The following OR10A2 variants were observed in gnomAD, a reference collection of about 807,000 sequenced individuals.
OR10A2 encodes olfactory receptor family 10 subfamily A member 2.
OR10A2 carries 15 observed loss-of-function variants against 13.7 expected under a neutral mutation model. That is an observed-to-expected ratio of 1.10 (90% confidence interval 0.73 to 1.69). The LOEUF is 1.69. OR10A2 is among the 40% of genes most tolerant of loss of function. OR10A2 has a pLI of 0.00. For synonymous variants in OR10A2, 145 were observed against 144.7 expected, an observed-to-expected ratio of 1.00 and a Z score of -0.02; for missense variants, 343 against 361.1, an observed-to-expected ratio of 0.95 and a Z score of 0.41.
intron 1 of OR10A2, among the ~76,000 whole-genome samples, chr11:6,867,652 A>T (rs1848389878): frequency 6.6e-6 from 1 of 152,192 alleles, no homozygotes; most frequent in South Asian, 2.1e-4. Flanking sequence ...ATTAACCTAA[A>T]GTGTTTTGTC....
In OR10A2 at chr11:6,874,241, TATTA is replaced by T. The variant is rs1848463832; in HGVS notation, c.*3577_*3580del. ...TATTTACCACATTTTCTTCATTATC[TATTA>T]AATTATTCAATAACAATTTACTGGG... On this transcript the variant is annotated 3_prime_UTR_variant, in exon 2 of 2. Coordinates refer to ENST00000641461, the MANE Select transcript of OR10A2 (RefSeq NM_001004460.2). 5 of 152,268 alleles carry T rather than the reference TATTA, an allele frequency of 3.3e-5. No homozygotes were observed. The highest frequency in any genetic ancestry group is 1.2e-4 in the African/African-American group (5 of 41,468). The allele number at this position is 152,268 out of a possible 1,614,324, so 9.4% of individuals were successfully genotyped here.
rs374615903 is a variant in OR10A2, at chr11:6,869,945, T to C, written c.191T>C (p.Ile64Thr). 107 of 1,614,052 alleles carry C rather than the reference T, an allele frequency of 6.6e-5. No homozygotes were observed. The highest frequency in any genetic ancestry group is 8.1e-5 in the Non-Finnish European group (95 of 1,180,006). The part of the protein sequence containing the change: ...SFLEIGFNLV[I>T]VPKMLGTLLA... ...CTGGAGATTGGCTTCAACCTAGTCA[T>C]TGTGCCCAAAATGCTGGGGACCCTG... Residue 64 changes from isoleucine to threonine, a missense_variant, in exon 2 of 2, where the codon ATT becomes ACT. Coordinates refer to ENST00000641461, the MANE Select transcript of OR10A2 (RefSeq NM_001004460.2).
chr11:6,869,579 A>C (rs1263563655), intron 1 of OR10A2, 44 bp from the exon 2 acceptor site: 17 of 656,870 alleles, frequency 2.6e-5, no homozygotes, highest in Non-Finnish European at 4.0e-5. Context: ...AACCCAAGGC[A>C]CTTCCTCTGC....
At chr11:6,868,817 CT>C (rs1848400756) in intron 1 of OR10A2, among the ~76,000 whole-genome samples, 1 of 152,092 alleles carries the variant, frequency 6.6e-6, no homozygotes, top group East Asian at 1.9e-4. Context: ...TAAGAAGAGC[CT>C]CTAGATAACC....
In OR10A2 at chr11:6,870,527, A is replaced by C. The variant is rs7926083; in HGVS notation, c.773A>C (p.Lys258Thr). ...AAATCAAATAATTCACCTGAGGGCA[A>C]GAAGCTGCTATCATTGTCCTACACT... The part of the protein sequence containing the change: ...RPKSNNSPEG[K>T]KLLSLSYTVM... The change falls in exon 2 of 2, where the codon AAG becomes ACG. Residue 258 changes from lysine to threonine, a missense_variant. By Grantham distance (78) the Lys-to-Thr change is moderately conservative (BLOSUM62 -1). Transcript: ENST00000641461. 0.37 allele frequency: 593,663 copies of C among 1,613,546 alleles called. 111,104 individuals are homozygous for C. The highest frequency in any genetic ancestry group is 0.4 in the South Asian group (36,281 of 91,062).
rs140942284 is a variant in OR10A2, at chr11:6,870,150, T to G, written c.396T>G (p.Ala132=). 1.0e-3 allele frequency: 1,685 copies of G among 1,614,244 alleles called. 23 individuals are homozygous for G. The African/African-American group carries it at 0.02, about 19-fold the overall frequency. ...IMNQRTRAKL[A]AASWFPGFPV... The stretch of plus-strand genomic sequence containing the variant: ...ACCAAAGGACTCGTGCCAAACTGGC[T>G]GCTGCCTCCTGGTTCCCAGGCTTTC... Residue 132 remains alanine (A), a synonymous_variant, in exon 2 of 2, where the codon GCT becomes GCG. Coordinates refer to ENST00000641461, the MANE Select transcript of OR10A2 (RefSeq NM_001004460.2).
chr11:6,869,323 G>A (rs947298761), intron 1 of OR10A2, among the ~76,000 whole-genome samples: 1 of 152,184 alleles, frequency 6.6e-6, no homozygotes, highest in African/African-American at 2.4e-5. Context: ...AAATTTAAAT[G>A]TATGTGTTCT....
intron 1 of OR10A2, among the ~76,000 whole-genome samples, chr11:6,866,552 C>T (rs1010814213): frequency 6.6e-6 from 1 of 152,140 alleles, no homozygotes; most frequent in East Asian, 1.9e-4. Flanking sequence ...ATCAAATCCT[C>T]ACCAGCATTT....
Position 6,874,200 on chromosome 11 carries a change from T to C in OR10A2, c.*3534T>C, listed in dbSNP as rs868649426. On this transcript the variant is annotated 3_prime_UTR_variant, in exon 2 of 2. Transcript: ENST00000641461. ...TCACTGTACCTACTTTGTGTCTGTG[T>C]AGATGTTTCCCTGATTATTTACCAC... 2 of 152,230 alleles carry C rather than the reference T, an allele frequency of 1.3e-5. No homozygotes were observed. The highest frequency in any genetic ancestry group is 6.5e-5 in the Admixed American group (1 of 15,274). The allele number at this position is 152,230 out of a possible 1,614,324, so 9.4% of individuals were successfully genotyped here. A position where few individuals can be genotyped will look rare whatever the true frequency, so the allele number is the denominator to read the frequency against.
chr11:6,867,906 C>T (rs755364685), intron 1 of OR10A2, among the ~76,000 whole-genome samples: 15 of 152,088 alleles, frequency 9.9e-5, no homozygotes, highest in Non-Finnish European at 1.6e-4. Flanking sequence ...TATGCCACCA[C>T]AACTGGATAT....
In OR10A2 at chr11:6,871,441, C is replaced by T. The variant is rs7122066; in HGVS notation, c.*775C>T. 49,439 of 152,092 alleles carry T rather than the reference C, an allele frequency of 0.33. 8,559 individuals carry two copies. Among genetic ancestry groups the T allele is most frequent in the South Asian group, 0.41 (1,988 of 4,826 alleles). The allele number at this position is 152,092 out of a possible 1,614,324, so 9.4% of individuals were successfully genotyped here. Reference sequence around the variant, plus strand: ...CTTTCCCAACACATAACTCTCCTCACCATCTTACTTCATTCTCATGCCCTT... The same window carrying T: ...CTTTCCCAACACATAACTCTCCTCATCATCTTACTTCATTCTCATGCCCTT... On this transcript the variant is annotated 3_prime_UTR_variant, in exon 2 of 2. Transcript: ENST00000641461.
In OR10A2 at chr11:6,869,789, C is replaced by G; in HGVS notation, c.35C>G (p.Ser12Ter). The G allele has an allele frequency of 6.2e-7, 1 of 1,614,108 alleles. No individual in the cohort carries two copies. The highest frequency in any genetic ancestry group is 8.5e-7 in the Non-Finnish European group (1 of 1,179,948). The change falls in exon 2 of 2, where the codon TCA becomes TGA. Residue 12 changes from serine to a stop codon, truncating the protein, a stop_gained. Transcript: ENST00000641461. LOFTEE classifies it high-confidence loss of function. Reference sequence around the variant, plus strand: ...TCTTCCCTGCCTACTGAAATACAGTCATTACTCTTTCTGACATTTCTAACC... The same window carrying G: ...TCTTCCCTGCCTACTGAAATACAGTGATTACTCTTTCTGACATTTCTAACC... ...SFSSLPTEIQ[S>*]LLFLTFLTIY...
chr11:6,865,109 T>C (rs1006627658), intron 1 of OR10A2, among the ~76,000 whole-genome samples: 1 of 144,922 alleles, frequency 6.9e-6, no homozygotes, highest in African/African-American at 2.5e-5. Context: ...AAATATATAT[T>C]TATATATTTT....
rs184147221 is a variant in OR10A2, at chr11:6,873,738, G to C, written c.*3072G>C. ...GGAGTAATTGAAAGACATTAAGCAGGTAAGTGACTTAACCAGAGTTGCTGG... is the reference window on the plus strand; with the variant it reads ...GGAGTAATTGAAAGACATTAAGCAGCTAAGTGACTTAACCAGAGTTGCTGG... On this transcript the variant is annotated 3_prime_UTR_variant, in exon 2 of 2. Coordinates refer to ENST00000641461, the MANE Select transcript of OR10A2 (RefSeq NM_001004460.2). 1.3e-5 allele frequency: 2 copies of C among 150,040 alleles called. No individual in the cohort carries two copies. Among genetic ancestry groups the C allele is most frequent in the African/African-American group, 2.4e-5 (1 of 41,056 alleles). The allele number at this position is 150,040 out of a possible 1,614,324, so 9.3% of individuals were successfully genotyped here. A position where few individuals can be genotyped will look rare whatever the true frequency, so the allele number is the denominator to read the frequency against.
intron 1 of OR10A2, among the ~76,000 whole-genome samples, chr11:6,863,885 T>C (rs2741770): frequency 0.47 from 71,587 of 152,154 alleles, 17,561 homozygotes; most frequent in Middle Eastern, 0.72. Context: ...CTGTGGCCCA[T>C]GGGCCACATG....
At chr11:6,864,319 C>T (rs576543567) in intron 1 of OR10A2, among the ~76,000 whole-genome samples, 3 of 124,686 alleles carry the variant, frequency 2.4e-5, no homozygotes, top group Non-Finnish European at 4.8e-5. Context: ...AAAAAAAGAA[C>T]AGTCATTGAG....
In OR10A2 at chr11:6,869,787, G is replaced by A; in HGVS notation, c.33G>A (p.Gln11=). The A allele has an allele frequency of 6.2e-7, 1 of 1,614,104 alleles. No homozygotes were observed. Among genetic ancestry groups the A allele is most frequent in the African/African-American group, 1.3e-5 (1 of 75,032 alleles). ...TCTCTTCCCTGCCTACTGAAATACA[G>A]TCATTACTCTTTCTGACATTTCTAA... MSFSSLPTEI[Q]SLLFLTFLTI... Residue 11 remains glutamine (Q), a synonymous_variant, in exon 2 of 2, where the codon CAG becomes CAA. Transcript: ENST00000641461.
At chr11:6,864,292 A>C (rs1033593314) in intron 1 of OR10A2, among the ~76,000 whole-genome samples, 3 of 141,726 alleles carry the variant, frequency 2.1e-5, no homozygotes, top group African/African-American at 5.2e-5. Context: ...TTCTAGTTAA[A>C]GTGCGGTTCT....
At chr11:6,867,727 G>T (rs1261883109) in intron 1 of OR10A2, among the ~76,000 whole-genome samples, 2 of 151,936 alleles carry the variant, frequency 1.3e-5, no homozygotes. Flanking sequence ...GACAGTAAGA[G>T]AGTTTCTATT....
Sources: gnomAD v4.1 joint callset for allele counts (sites outside exome capture counted in the v4.1 genomes callset) on GRCh38, gnomAD v4.1.1 for gene constraint, MANE v1.5 for transcripts, NCBI Gene and HGNC (gene_info 2026-07-23, HGNC 2026-07-21) for gene names.